LRP2: variants seen among roughly 807,000 people sequenced by gnomAD.
The protein encoded by LRP2 is low-density lipoprotein receptor-related protein 2.
In LRP2, 172 loss-of-function variants were observed where a neutral mutation model predicts 531.0. That is an observed-to-expected ratio of 0.32 (90% confidence interval 0.29 to 0.37). LRP2 has a LOEUF of 0.37. Among genes scored for constraint, LRP2 ranks in the 10% least tolerant of loss-of-function variants. The pLI, the probability that LRP2 is intolerant of heterozygous loss-of-function variation, is 1.00. For synonymous variants in LRP2, 1,992 were observed against 2,027.6 expected, an observed-to-expected ratio of 0.98 and a Z score of 0.47; for missense variants, 5,167 against 5,868.3, an observed-to-expected ratio of 0.88 and a Z score of 3.90.
At position 169,213,810 on chromosome 2, in the gene LRP2, G is replaced by A; in HGVS notation, c.5887C>T (p.Pro1963Ser). The A allele has an allele frequency of 6.2e-7, 1 of 1,613,618 alleles. No individual in the cohort carries two copies. Among genetic ancestry groups the A allele is most frequent in the Non-Finnish European group, 8.5e-7 (1 of 1,179,672 alleles). The change falls in exon 36 of 79, where the codon CCC (proline) becomes TCC (serine). Residue 1963 changes from proline to serine, a missense_variant. Pro to Ser is a moderately conservative substitution (Grantham distance 74, BLOSUM62 -1). Coordinates refer to ENST00000649046, the MANE Select transcript of LRP2 (RefSeq NM_004525.3). ...GAATCATGGACTGCAATTCCCCAGG[G>A]GTGGGAAAGCTGGTGTACCAGGATC... The part of the protein sequence containing the change: ...RMILVHQLSH[P>S]WGIAVHDSFL...
At chr2:169,325,619 AC>A (rs1685027519) in intron 1 of LRP2, among the ~76,000 whole-genome samples, 1 of 152,198 alleles carries the variant, frequency 6.6e-6, no homozygotes, top group African/African-American at 2.4e-5. Context: ...GCCAAGGGTA[AC>A]AAATTGTATG....
intron 6 of LRP2, among the ~76,000 whole-genome samples, chr2:169,293,280 G>A (rs1684047249): frequency 6.6e-6 from 1 of 152,132 alleles, no homozygotes; most frequent in Non-Finnish European, 1.5e-5. Context: ...AAGTGGAGAG[G>A]TGGCAACAAT....
chr2:169,327,929 A>C (rs1277768630), intron 1 of LRP2, among the ~76,000 whole-genome samples: 1 of 73,852 alleles, frequency 1.4e-5, no homozygotes, highest in Non-Finnish European at 2.6e-5. Context: ...TCCAGGAGGG[A>C]GGTGGGGGCG....
At chr2:169,229,516 T>A (rs531269960) in intron 31 of LRP2, among the ~76,000 whole-genome samples, 1 of 152,240 alleles carries the variant, frequency 6.6e-6, no homozygotes, top group South Asian at 2.1e-4. Flanking sequence ...GAGTCAGAAG[T>A]CTATTTGTAT....
chr2:169,300,604 T>C (rs1684263929), intron 4 of LRP2, among the ~76,000 whole-genome samples: 1 of 152,088 alleles, frequency 6.6e-6, no homozygotes, highest in South Asian at 2.1e-4. Context: ...TAGGATCTTT[T>C]TAAAGATGGG....
chr2:169,257,849 C>A (rs796884899), intron 17 of LRP2, among the ~76,000 whole-genome samples: 135 of 137,244 alleles, frequency 9.8e-4, no homozygotes, highest in African/African-American at 3.4e-3. Flanking sequence ...ACAAAAAAAA[C>A]AAAAGAAAAT....
intron 16 of LRP2, among the ~76,000 whole-genome samples, chr2:169,266,871 C>A (rs1402349656): frequency 1.4e-5 from 2 of 145,046 alleles, no homozygotes; most frequent in East Asian, 4.2e-4. Context: ...AAAATACACA[C>A]ACGTTTGTAA....
chr2:169,145,981 A>G (rs919379112), intron 69 of LRP2, 58 bp from the exon 70 acceptor site: 1 of 1,468,192 alleles, frequency 6.8e-7, no homozygotes, highest in Admixed American at 1.7e-5. Context: ...AATACCCACT[A>G]CACCCTACCG....
intron 9 of LRP2, among the ~76,000 whole-genome samples, chr2:169,283,823 T>G (rs831014): frequency 0.84 from 128,223 of 152,134 alleles, 54,125 homozygotes; most frequent in East Asian, 0.91. Flanking sequence ...GTTCTACTGT[T>G]TAAAAATAGT....
intron 70 of LRP2, among the ~76,000 whole-genome samples, chr2:169,143,406 G>A (rs545247572): frequency 2.4e-4 from 36 of 152,284 alleles, no homozygotes; most frequent in African/African-American, 8.4e-4. Flanking sequence ...ACTTTGGGAG[G>A]CCGCTTTGGG....
rs576015574 is a variant in LRP2, at chr2:169,153,848, T to C, written c.12295+612A>G. Among the ~76,000 whole-genome samples the C allele has an allele frequency of 5.9e-5, 9 of 152,308 alleles. No homozygotes were observed. In the South Asian group the frequency reaches 1.9e-3, roughly 32 times the overall value. On this transcript the variant is annotated intron_variant, in intron 66 of 78. Coordinates refer to ENST00000649046, the MANE Select transcript of LRP2 (RefSeq NM_004525.3). The stretch of plus-strand genomic sequence containing the variant: ...GATTCAACAATAAGCATTATTCATC[T>C]TTTTCCTTCATTCAACTAAATTTTT...
In LRP2 at chr2:169,213,814, G is replaced by T; in HGVS notation, c.5883C>A (p.Ser1961=). ...CATGGACTGCAATTCCCCAGGGGTGGGAAAGCTGGTGTACCAGGATCATTC... is the reference window on the plus strand; with the variant it reads ...CATGGACTGCAATTCCCCAGGGGTGTGAAAGCTGGTGTACCAGGATCATTC... ...TDRMILVHQL[S]HPWGIAVHDS... Residue 1961 remains serine, a synonymous_variant, in exon 36 of 79, where the codon TCC becomes TCA. Coordinates refer to ENST00000649046, the MANE Select transcript of LRP2 (RefSeq NM_004525.3). The T allele has an allele frequency of 6.2e-7, 1 of 1,613,630 alleles. No individual in the cohort carries two copies. The highest frequency in any genetic ancestry group is 1.1e-5 in the South Asian group (1 of 91,060).
At chr2:169,203,076 T>C (rs1228554056) in intron 42 of LRP2, 117 bp from the exon 43 acceptor site, 4 of 814,708 alleles carry the variant, frequency 4.9e-6, no homozygotes, top group Non-Finnish European at 6.2e-6. Context: ...AGAAGCGCCA[T>C]GGAAGTTCTG....
intron 37 of LRP2, among the ~76,000 whole-genome samples, chr2:169,210,961 G>C (rs143400074): frequency 6.6e-6 from 1 of 152,002 alleles, no homozygotes; most frequent in Non-Finnish European, 1.5e-5. Flanking sequence ...CTTGGTAAAG[G>C]GTATAAGGAT....
In LRP2 at chr2:169,139,277, A is replaced by T; in HGVS notation, c.13362T>A (p.Leu4454=). Residue 4454 remains leucine, a synonymous_variant, in exon 74 of 79, where the codon CTT becomes CTA. Transcript: ENST00000649046. ...GFFHYRRTGS[L]LPALPKLPSL... is the part of the protein sequence containing the mutation. ...TTGGCAGCTTGGGCAGAGCAGGCAA[A>T]AGGGAGCCGGTCCTTCTATAGTGGA... 1 of 1,614,150 alleles carries T rather than the reference A, an allele frequency of 6.2e-7. No homozygotes were observed. Among genetic ancestry groups the T allele is most frequent in the Non-Finnish European group, 8.5e-7 (1 of 1,180,012 alleles).
intron 62 of LRP2, among the ~76,000 whole-genome samples, chr2:169,165,381 A>T (rs1686746289): frequency 6.6e-6 from 1 of 152,232 alleles, no homozygotes; most frequent in African/African-American, 2.4e-5. Context: ...CGATTGTTAA[A>T]TGCAGCCAGT....
At chr2:169,255,524 C>G (rs540793182) in intron 19 of LRP2, among the ~76,000 whole-genome samples, 2 of 126,252 alleles carry the variant, frequency 1.6e-5, no homozygotes, top group Non-Finnish European at 3.4e-5. Flanking sequence ...GAAAGGTTGA[C>G]GAAAAAAAAT....
At chr2:169,215,675 T>C (rs1688757649) in intron 35 of LRP2, among the ~76,000 whole-genome samples, 1 of 148,646 alleles carries the variant, frequency 6.7e-6, no homozygotes, top group African/African-American at 2.4e-5. Context: ...TTCTATATTC[T>C]ATATATAATA....
chr2:169,285,975 T>A (rs1164314226), intron 9 of LRP2, among the ~76,000 whole-genome samples: 1 of 152,224 alleles, frequency 6.6e-6, no homozygotes, highest in Non-Finnish European at 1.5e-5. Context: ...CAGAGGGTTA[T>A]AGCCATACAG....
Sources: allele counts gnomAD v4.1 joint callset (sites outside exome capture counted in the v4.1 genomes callset), GRCh38; gene constraint gnomAD v4.1.1; transcripts MANE v1.5; gene names NCBI Gene and HGNC (gene_info 2026-07-23, HGNC 2026-07-21).